TBC1D5: variants seen among roughly 807,000 people sequenced by gnomAD.
TBC1D5 encodes the protein TBC1 domain family, member 5.
TBC1D5 carries 75 observed loss-of-function variants against 100.3 expected under a neutral mutation model. That is an observed-to-expected ratio of 0.75 (90% CI 0.62 to 0.91). The LOEUF (loss-of-function observed/expected upper bound fraction) is 0.91, where lower values mean the gene tolerates loss of function less well. Among genes scored for constraint, TBC1D5 ranks in the 40% least tolerant of loss-of-function variants. The pLI is 0.00. For missense variants in TBC1D5, 910 were observed against 942.4 expected (o/e 0.97, Z 0.45); for synonymous variants, 323 against 325.6 (o/e 0.99, Z 0.09).
chr3:17,389,131 G>C (rs2093270393), intron 8 of TBC1D5, among the ~76,000 whole-genome samples: 1 of 151,844 alleles, frequency 6.6e-6, no homozygotes, highest in Admixed American at 6.6e-5. Flanking sequence ...AAAGAAACCA[G>C]ATTTTTTATC....
At chr3:17,367,032 C>A (rs376829308) in intron 13 of TBC1D5, among the ~76,000 whole-genome samples, 1 of 152,062 alleles carries the variant, frequency 6.6e-6, no homozygotes, top group Non-Finnish European at 1.5e-5. Context: ...GAAGCCCAAG[C>A]GTGTTATGAG....
intron 18 of TBC1D5, among the ~76,000 whole-genome samples, chr3:17,193,427 T>G (rs1317662726): frequency 6.6e-6 from 1 of 152,246 alleles, no homozygotes; most frequent in African/African-American, 2.4e-5. Context: ...GTTTCAAATC[T>G]CTTTTTGAAG....
At chr3:17,457,933 T>C (rs1334727000) in intron 3 of TBC1D5, among the ~76,000 whole-genome samples, 1 of 152,236 alleles carries the variant, frequency 6.6e-6, no homozygotes. Context: ...CAGGCTACCA[T>C]TCCTAAATGA....
intron 1 of TBC1D5, among the ~76,000 whole-genome samples, chr3:17,718,029 G>A (rs564629897): frequency 2.0e-5 from 3 of 152,136 alleles, no homozygotes; most frequent in Admixed American, 6.5e-5. Context: ...CCGTACTGAA[G>A]TACGAAGTCA....
intron 3 of TBC1D5, among the ~76,000 whole-genome samples, chr3:17,454,871 TA>T (rs1490591064): frequency 6.6e-6 from 1 of 151,930 alleles, no homozygotes; most frequent in Non-Finnish European, 1.5e-5. Context: ...TGAATTAACT[TA>T]AAGAAGTAAA....
intron 13 of TBC1D5, among the ~76,000 whole-genome samples, chr3:17,311,651 G>T (rs1280433219): frequency 6.6e-6 from 1 of 152,050 alleles, no homozygotes; most frequent in African/African-American, 2.4e-5. Flanking sequence ...CTTGGCTGTA[G>T]TGGGTTATAT....
chr3:17,563,174 A>C (rs964255663), intron 2 of TBC1D5, among the ~76,000 whole-genome samples: 1 of 152,244 alleles, frequency 6.6e-6, no homozygotes, highest in Non-Finnish European at 1.5e-5. Flanking sequence ...AATACTAGAC[A>C]GAGAAGGTCT....
intron 1 of TBC1D5, among the ~76,000 whole-genome samples, chr3:17,667,412 C>G (rs919958702): frequency 6.6e-6 from 1 of 152,008 alleles, no homozygotes; most frequent in South Asian, 2.1e-4. Context: ...AACGCAATTA[C>G]TTTTGTTATA....
chr3:17,697,593 A>G (rs1472890625), intron 1 of TBC1D5, among the ~76,000 whole-genome samples: 5 of 152,204 alleles, frequency 3.3e-5, no homozygotes, highest in South Asian at 2.1e-4. Context: ...CCACTGCTCA[A>G]TGAAATAAAA....
chr3:17,505,346 T>C (rs911809345), intron 3 of TBC1D5, among the ~76,000 whole-genome samples: 1 of 152,156 alleles, frequency 6.6e-6, no homozygotes, highest in Non-Finnish European at 1.5e-5. Flanking sequence ...TCCTGAGATA[T>C]ACCTCCTCCC....
chr3:17,667,627 T>C (rs985442889), intron 1 of TBC1D5, among the ~76,000 whole-genome samples: 3 of 152,004 alleles, frequency 2.0e-5, no homozygotes, highest in Non-Finnish European at 4.4e-5. Context: ...AATTTTTGTA[T>C]TTTTTGTAGT....
At chr3:17,531,901 T>A (rs1347994997) in intron 2 of TBC1D5, among the ~76,000 whole-genome samples, 1 of 152,116 alleles carries the variant, frequency 6.6e-6, no homozygotes, top group Non-Finnish European at 1.5e-5. Context: ...AACCTAGGCA[T>A]TACCATTCAG....
chr3:17,707,869 A>G (rs2074332913), intron 1 of TBC1D5, among the ~76,000 whole-genome samples: 1 of 152,236 alleles, frequency 6.6e-6, no homozygotes, highest in African/African-American at 2.4e-5. Context: ...AAATTCATCA[A>G]TGAGTGTATT....
At position 17,508,499 on chromosome 3, in the gene TBC1D5, C is replaced by CA; in HGVS notation, c.71dup (p.Leu24PhefsTer6). 1 of 1,613,642 alleles carries CA rather than the reference C, an allele frequency of 6.2e-7. No homozygotes were observed. The highest frequency in any genetic ancestry group is 1.1e-5 in the South Asian group (1 of 91,044). On this transcript the variant is annotated frameshift_variant, in exon 3 of 22. Coordinates refer to ENST00000253692, the Ensembl canonical transcript of TBC1D5. LOFTEE classifies it high-confidence loss of function. ...CTCCAGACTTGTTAGAGTAACTGGA[C>CA]AAGGGGTCAATGCCTACTTCTTGTT...
At chr3:17,639,476 A>C (rs879181672) in intron 1 of TBC1D5, among the ~76,000 whole-genome samples, 1 of 152,042 alleles carries the variant, frequency 6.6e-6, no homozygotes, top group Non-Finnish European at 1.5e-5. Flanking sequence ...TAAAAAAAAA[A>C]AAAACTATGA....
chr3:17,261,243 A>G (rs1360482965), intron 15 of TBC1D5, among the ~76,000 whole-genome samples: 5 of 152,250 alleles, frequency 3.3e-5, no homozygotes, highest in African/African-American at 1.2e-4. Context: ...TTGGAATACC[A>G]TCTCACACAA....
intron 13 of TBC1D5, among the ~76,000 whole-genome samples, chr3:17,327,905 T>C (rs2086359870): frequency 1.3e-5 from 2 of 152,174 alleles, no homozygotes; most frequent in Admixed American, 6.5e-5. Context: ...TGTTGAATAA[T>C]TGTTCTTAGC....
chr3:17,312,354 A>G (rs1424820253), intron 13 of TBC1D5, among the ~76,000 whole-genome samples: 2 of 152,154 alleles, frequency 1.3e-5, no homozygotes, highest in Non-Finnish European at 2.9e-5. Flanking sequence ...TAAATTTTTT[A>G]TCTAATCAAC....
chr3:17,404,955 G>C (rs34457748), exon 6 of TBC1D5: 4 of 1,578,926 alleles, frequency 2.5e-6, no homozygotes, highest in Non-Finnish European at 3.4e-6. Context: ...AGAACACAAA[G>C]AAATAGCTGT....
Sources: allele counts gnomAD v4.1 joint callset (sites outside exome capture counted in the v4.1 genomes callset), GRCh38; gene constraint gnomAD v4.1.1; transcripts MANE v1.5; gene names NCBI Gene and HGNC (gene_info 2026-07-23, HGNC 2026-07-21).